Variants in ZDHHC11 observed in about 807,000 individuals in gnomAD.
ZDHHC11 encodes the protein zDHHC palmitoyltransferase 11, also known as palmitoyltransferase ZDHHC11.
ZDHHC11 carries 44 observed loss-of-function variants against 51.3 expected under a neutral mutation model. The observed-to-expected ratio is 0.86, with a 90% confidence interval of 0.67 to 1.10. The LOEUF (loss-of-function observed/expected upper bound fraction) is 1.10, where lower values mean the gene tolerates loss of function less well. ZDHHC11 is among the 50% of genes least tolerant of loss of function. ZDHHC11 has a pLI of 0.00. For synonymous variants in ZDHHC11, 163 were observed against 222.0 expected (o/e 0.73, Z 2.36); for missense variants, 400 against 537.7 (o/e 0.74, Z 2.53).
At chr5:817,467 C>T (rs1740957579) in intron 10 of ZDHHC11, among the ~76,000 whole-genome samples, 1 of 151,444 alleles carries the variant, frequency 6.6e-6, no homozygotes, top group Admixed American at 6.6e-5. Context: ...ATATATCTCA[C>T]TTGGGGAAAA....
In ZDHHC11 at chr5:850,588, G is replaced by A. The variant is rs141673353; in HGVS notation, c.15C>T (p.Ser5=). The change falls in exon 1 of 13, where the codon TCC becomes TCT. Residue 5 remains serine (S), a synonymous_variant. Transcript: ENST00000283441. The stretch of plus-strand genomic sequence containing the variant: ...CTGGGGTGACGGAACACTGGCTCCC[G>A]GAGCGGGTGTCCATCTGCAGGACAC... MDTR[S]GSQCSVTPEA... is the part of the protein sequence containing the mutation. 75 of 1,613,194 alleles carry A rather than the reference G, an allele frequency of 4.6e-5. No homozygotes were observed. The highest frequency in any genetic ancestry group is 2.9e-4 in the South Asian group (26 of 91,086).
At chr5:798,882 C>T (rs1383905341) in intron 12 of ZDHHC11, among the ~76,000 whole-genome samples, 1 of 152,158 alleles carries the variant, frequency 6.6e-6, no homozygotes, top group African/African-American at 2.4e-5. Context: ...AAAAATAATG[C>T]AAATGATAAA....
chr5:843,084 C>A (rs1188611897), intron 4 of ZDHHC11, among the ~76,000 whole-genome samples: 1 of 152,284 alleles, frequency 6.6e-6, no homozygotes, highest in Admixed American at 6.5e-5. Flanking sequence ...ACAGTCCTCA[C>A]CGCCACGTCT....
At chr5:845,244 G>A (rs1449229602) in intron 3 of ZDHHC11, among the ~76,000 whole-genome samples, 1 of 152,304 alleles carries the variant, frequency 6.6e-6, no homozygotes, top group Non-Finnish European at 1.5e-5. Context: ...CCTCCAGGCA[G>A]CGGACACGCC....
chr5:846,508 C>T (rs1294310991), intron 3 of ZDHHC11, among the ~76,000 whole-genome samples: 4 of 146,450 alleles, frequency 2.7e-5, no homozygotes, highest in Non-Finnish European at 6.0e-5. Flanking sequence ...AACAACCTCT[C>T]GTTCTTGAGC....
At chr5:860,498 C>T (rs958157689), upstream of ZDHHC11, among the ~76,000 whole-genome samples, 1 of 152,068 alleles carries the variant, frequency 6.6e-6, no homozygotes, top group African/African-American at 2.4e-5. This position sits in a 1 kb window ranked among gnomAD's most constrained non-coding sequence, Gnocchi z 4.2. Flanking sequence ...TCCTCCACCA[C>T]CTGCACACCC....
chr5:848,661 C>T lies in ZDHHC11; in HGVS notation c.223-1G>A. The T allele has an allele frequency of 6.2e-7, 1 of 1,607,504 alleles. No homozygotes were observed. ...GGAACGAGAAGATCCCCCCGGTCAC[C>T]TGGCATGTCAAGGAAGAACCTGGCC... On this transcript the variant is annotated splice_acceptor_variant, in intron 1 of 12. Transcript: ENST00000283441. LOFTEE classifies it high-confidence loss of function.
intron 4 of ZDHHC11, among the ~76,000 whole-genome samples, chr5:843,085 C>A (rs1249418059): frequency 6.6e-6 from 1 of 152,274 alleles, no homozygotes; most frequent in African/African-American, 2.4e-5. Context: ...CAGTCCTCAC[C>A]GCCACGTCTC....
At chr5:813,137 G>C in intron 11 of ZDHHC11, among the ~76,000 whole-genome samples, 1 of 144,316 alleles carries the variant, frequency 6.9e-6, no homozygotes, top group East Asian at 2.1e-4. Context: ...AGGAGTTCGA[G>C]ACCAGTGTGG....
intron 12 of ZDHHC11, among the ~76,000 whole-genome samples, chr5:799,051 G>C (rs199570138): frequency 0.12 from 16,847 of 134,830 alleles, 418 homozygotes; most frequent in African/African-American, 0.28. Flanking sequence ...GCTGTGGTTT[G>C]GACATCTGAC....
chr5:803,122 G>A (rs1344525602), intron 11 of ZDHHC11, among the ~76,000 whole-genome samples: 2 of 151,296 alleles, frequency 1.3e-5, no homozygotes, highest in East Asian at 3.8e-4. Flanking sequence ...GTGGCTATAA[G>A]GGCAGCAACC....
At chr5:816,587 G>A (rs751803659) in intron 10 of ZDHHC11, 19 of 621,090 alleles carry the variant, frequency 3.1e-5, no homozygotes, top group East Asian at 1.1e-4. Flanking sequence ...TCTAATTGAC[G>A]GTCACCTCAC....
Position 819,577 on chromosome 5 carries a change from C to G in ZDHHC11, c.1094G>C (p.Arg365Pro), listed in dbSNP as rs369832076. 1.9e-6 allele frequency: 3 copies of G among 1,609,880 alleles called. No homozygotes were observed. The South Asian group carries it at 3.3e-5, about 18-fold the overall frequency. ...KARNSRLICR[R>P]LCQFSTRVHP... ...TACACGAGTGGAGAACTGACACAGG[C>G]GCCTGCAAATCAGCCGGGAGTTCCT... Residue 365 changes from arginine (R) to proline (P), a missense_variant, in exon 10 of 13, where the codon CGC becomes CCC. Arg to Pro is a moderately radical substitution (Grantham distance 103, BLOSUM62 -2). Coordinates refer to ENST00000283441, the MANE Select transcript of ZDHHC11 (RefSeq NM_024786.3).
intron 7 of ZDHHC11, among the ~76,000 whole-genome samples, chr5:828,127 T>C (rs1227378224): frequency 6.6e-6 from 1 of 151,382 alleles, no homozygotes; most frequent in Non-Finnish European, 1.5e-5. Context: ...AAGTCTCCCA[T>C]GTCTACTTCT....
chr5:821,587 G>C (rs1444940349), intron 9 of ZDHHC11, among the ~76,000 whole-genome samples: 1 of 151,016 alleles, frequency 6.6e-6, no homozygotes, highest in African/African-American at 2.4e-5. Flanking sequence ...ACAGCATGTG[G>C]ACACTCATAC....
intron 11 of ZDHHC11, 129 bp downstream of exon 11, chr5:814,632 C>A: frequency 9.5e-7 from 1 of 1,051,140 alleles, no homozygotes; most frequent in Non-Finnish European, 1.3e-6. Flanking sequence ...TTCAGAGAAA[C>A]ATTTCTACTT....
upstream of ZDHHC11, among the ~76,000 whole-genome samples, chr5:859,024 C>T (rs769321543): frequency 1.3e-5 from 2 of 151,926 alleles, no homozygotes; most frequent in Non-Finnish European, 2.9e-5. Context: ...GAACCCAGGG[C>T]GCCTCACAAA....
chr5:823,859 G>A (rs928780658), intron 8 of ZDHHC11: 1 of 351,884 alleles, frequency 2.8e-6, no homozygotes, highest in Admixed American at 3.6e-5. Flanking sequence ...AAACTCCCAT[G>A]AGCCCGTGTG....
intron 12 of ZDHHC11, among the ~76,000 whole-genome samples, chr5:797,093 G>A (rs1737693541): frequency 6.6e-6 from 1 of 150,978 alleles, no homozygotes; most frequent in Admixed American, 6.6e-5. Context: ...TGTAGGCCCA[G>A]CTACTCAGGA....
Sources: allele counts gnomAD v4.1 joint callset (sites outside exome capture counted in the v4.1 genomes callset), GRCh38; gene constraint gnomAD v4.1.1; non-coding constraint Gnocchi (gnomAD v3.1); transcripts MANE v1.5; gene names NCBI Gene and HGNC (gene_info 2026-07-23, HGNC 2026-07-21).